TENM1: variants seen among roughly 807,000 people sequenced by gnomAD.
TENM1 encodes the protein teneurin transmembrane protein 1.
Under a neutral mutation model 174.8 loss-of-function variants are expected in TENM1, and 35 were observed. The observed-to-expected ratio is 0.20, with a 90% CI of 0.15 to 0.27. TENM1 has a LOEUF of 0.27. Among genes scored for constraint, TENM1 ranks in the 10% least tolerant of loss-of-function variants. The pLI, the probability that TENM1 is intolerant of heterozygous loss-of-function variation, is 1.00. For synonymous variants in TENM1, 781 were observed against 798.7 expected (o/e 0.98, Z 0.37); for missense variants, 1,633 against 2,130.1 (o/e 0.77, Z 4.59).
exon 18 of TENM1, chrX:124,520,559 C>T (rs752066084): frequency 8.3e-6 from 10 of 1,210,537 alleles, no homozygotes; most frequent in South Asian, 3.5e-5. Flanking sequence ...CCATAGATGT[C>T]GGTCTTGTTC....
intron 11 of TENM1, among the ~76,000 whole-genome samples, chrX:124,624,624 T>C (rs1388509230): frequency 1.8e-5 from 2 of 111,922 alleles, no homozygotes; most frequent in Admixed American, 1.9e-4. Flanking sequence ...ACCAATAAAG[T>C]CTACATCCCT....
chrX:124,449,551 T>C (rs888738321), intron 23 of TENM1, among the ~76,000 whole-genome samples: 11 of 112,118 alleles, frequency 9.8e-5, no homozygotes, highest in African/African-American at 3.2e-4. Context: ...CTATTTTAAG[T>C]TAAAAATATC....
chrX:125,140,956 C>G, the TENM1 span, among the ~76,000 whole-genome samples: 1 of 111,223 alleles, frequency 9.0e-6, no homozygotes, highest in Non-Finnish European at 1.9e-5. Flanking sequence ...CCCTTCTTCT[C>G]TAGAGTAATT....
At chrX:124,869,315 G>A (rs2057066080) in intron 3 of TENM1, among the ~76,000 whole-genome samples, 1 of 111,268 alleles carries the variant, frequency 9.0e-6, no homozygotes, top group Non-Finnish European at 1.9e-5. Context: ...TGGTGAGAAT[G>A]TGCAGAAAAG....
the TENM1 span, among the ~76,000 whole-genome samples, chrX:125,175,632 T>A: frequency 9.0e-6 from 1 of 111,086 alleles, no homozygotes; most frequent in Non-Finnish European, 1.9e-5. Context: ...AATAAAGGGC[T>A]TACACTAGAG....
At chrX:124,560,590 T>C (rs757474458) in intron 14 of TENM1, among the ~76,000 whole-genome samples, 1 of 110,849 alleles carries the variant, frequency 9.0e-6, no homozygotes, top group South Asian at 3.9e-4. Flanking sequence ...CCACTTAATT[T>C]TGATAAGGTC....
chrX:124,678,581 A>G (rs1339289115), intron 5 of TENM1, among the ~76,000 whole-genome samples: 4 of 111,379 alleles, frequency 3.6e-5, no homozygotes, highest in African/African-American at 1.3e-4. Flanking sequence ...TTTTATTGCT[A>G]TTTTCTGTCT....
chrX:124,971,344 G>C, the TENM1 span, among the ~76,000 whole-genome samples: 14 of 111,760 alleles, frequency 1.3e-4, 1 homozygote, highest in African/African-American at 4.2e-4. Context: ...CAGCCTGTAA[G>C]AGTGACTACT....
chrX:124,881,462 G>A (rs1319762411), intron 3 of TENM1, among the ~76,000 whole-genome samples: 3 of 109,939 alleles, frequency 2.7e-5, no homozygotes, highest in Non-Finnish European at 5.7e-5. Flanking sequence ...TTTATCTGCT[G>A]AACCTACTTT....
intron 4 of TENM1, among the ~76,000 whole-genome samples, chrX:124,713,133 T>A (rs1243908368): frequency 8.9e-6 from 1 of 112,206 alleles, no homozygotes; most frequent in Non-Finnish European, 1.9e-5. Flanking sequence ...TCGTTCATAA[T>A]TTTAAGAGCT....
intron 4 of TENM1, among the ~76,000 whole-genome samples, chrX:124,719,935 A>G (rs1603063849): frequency 8.9e-6 from 1 of 112,035 alleles, no homozygotes; most frequent in Non-Finnish European, 1.9e-5. Context: ...TTATCTTTCA[A>G]TAGGAAACAT....
the TENM1 span, among the ~76,000 whole-genome samples, chrX:125,090,501 A>G: frequency 9.1e-6 from 1 of 110,211 alleles, no homozygotes; most frequent in Non-Finnish European, 1.9e-5. Flanking sequence ...CAAAAAAAAA[A>G]AAAAATAGCC....
rs144977699 is a variant in TENM1, at chrX:124,935,415, A to G, written c.217+28122T>C. Among the ~76,000 whole-genome samples the G allele has an allele frequency of 8.5e-3, 951 of 111,543 alleles. 8 individuals are homozygous for G. Among genetic ancestry groups the G allele is most frequent in the African/African-American group, 0.029 (879 of 30,703 alleles). ...TACTTTTGAACTTAACTCAGATGTC[A>G]TATCTTCCAGGAAACTTTCCCCGAC... On this transcript the variant is annotated intron_variant, in intron 1 of 31. Transcript: ENST00000422452.
intron 11 of TENM1, among the ~76,000 whole-genome samples, chrX:124,569,179 C>T (rs954778659): frequency 2.7e-5 from 3 of 110,699 alleles, no homozygotes; most frequent in African/African-American, 1.0e-4. Flanking sequence ...GCCTGGGCAA[C>T]AGAGTGAGGC....
intron 3 of TENM1, among the ~76,000 whole-genome samples, chrX:124,817,418 T>A (rs1418827266): frequency 8.9e-6 from 1 of 112,108 alleles, no homozygotes; most frequent in East Asian, 2.8e-4. Flanking sequence ...TACTTGTGCA[T>A]CATATTTCAT....
intron 3 of TENM1, among the ~76,000 whole-genome samples, chrX:124,796,261 A>G (rs2055303384): frequency 8.9e-6 from 1 of 112,054 alleles, no homozygotes; most frequent in Admixed American, 9.5e-5. Flanking sequence ...GTGAGAAGGA[A>G]GTTATTTCTT....
chrX:125,161,811 T>G, the TENM1 span, among the ~76,000 whole-genome samples: 208 of 112,198 alleles, frequency 1.9e-3, 1 homozygote, highest in African/African-American at 6.5e-3. Context: ...TCAATAAAGC[T>G]AATTTGAATA....
At chrX:124,550,406 G>A (rs1254021729) in intron 14 of TENM1, among the ~76,000 whole-genome samples, 1 of 112,064 alleles carries the variant, frequency 8.9e-6, no homozygotes, top group East Asian at 2.8e-4. Flanking sequence ...AAAAGGATTT[G>A]AAAACACGTA....
the TENM1 span, among the ~76,000 whole-genome samples, chrX:125,045,319 C>G: frequency 9.0e-6 from 1 of 111,002 alleles, no homozygotes. Context: ...AATCAGGCTC[C>G]ATAGCGTTAG....
Sources: gnomAD v4.1 joint callset for allele counts (sites outside exome capture counted in the v4.1 genomes callset) on GRCh38, gnomAD v4.1.1 for gene constraint, MANE v1.5 for transcripts, NCBI Gene and HGNC (gene_info 2026-07-23, HGNC 2026-07-21) for gene names.